TSPAN14: variants seen among roughly 807,000 people sequenced by gnomAD.
The protein encoded by TSPAN14 is tetraspanin 14, also known as tetraspanin-14.
In TSPAN14, 16 loss-of-function variants were observed where a neutral mutation model predicts 36.6. The observed-to-expected ratio is 0.44, with a 90% CI of 0.30 to 0.66. The LOEUF is 0.66. Ranked by LOEUF, TSPAN14 falls within the 30% of genes least tolerant of loss-of-function variation. The pLI is 0.12. For missense variants in TSPAN14, 231 were observed against 355.1 expected, an observed-to-expected ratio of 0.65 and a Z score of 2.81; for synonymous variants, 139 against 143.8, an observed-to-expected ratio of 0.97 and a Z score of 0.24.
intron 1 of TSPAN14, among the ~76,000 whole-genome samples, chr10:80,472,228 CTA>C (rs1407883950): frequency 1.3e-5 from 2 of 152,170 alleles, no homozygotes; most frequent in African/African-American, 2.4e-5. Context: ...ACCACAAACT[CTA>C]TGTTTCAGTT....
At chr10:80,513,035 A>G (rs894025286) in intron 6 of TSPAN14, among the ~76,000 whole-genome samples, 4 of 152,090 alleles carry the variant, frequency 2.6e-5, no homozygotes, top group Admixed American at 1.3e-4. Context: ...AGTAGCTGGG[A>G]CCACAGGCTT....
intron 3 of TSPAN14, among the ~76,000 whole-genome samples, chr10:80,505,601 A>C (rs752775699): frequency 2.0e-5 from 3 of 152,210 alleles, no homozygotes; most frequent in African/African-American, 7.2e-5. Flanking sequence ...CTTTCCTGCC[A>C]TGGTCTTAGG....
chr10:80,455,794 G>T (rs1024077122), intron 1 of TSPAN14, among the ~76,000 whole-genome samples: 1 of 152,078 alleles, frequency 6.6e-6, no homozygotes, highest in Non-Finnish European at 1.5e-5. Flanking sequence ...TGTGATCATA[G>T]CCTCAAATTG....
chr10:80,510,719 A>C (rs1840570775), intron 5 of TSPAN14, among the ~76,000 whole-genome samples: 1 of 151,992 alleles, frequency 6.6e-6, no homozygotes, highest in Non-Finnish European at 1.5e-5. Context: ...CTAAAAATAC[A>C]AAAAATTAGT....
At chr10:80,477,542 A>G (rs1846988034) in intron 1 of TSPAN14, among the ~76,000 whole-genome samples, 1 of 152,222 alleles carries the variant, frequency 6.6e-6, no homozygotes, top group Non-Finnish European at 1.5e-5. Flanking sequence ...GAGTACATGA[A>G]TGATTCAATT....
At chr10:80,488,786 A>G (rs1040448347) in intron 1 of TSPAN14, among the ~76,000 whole-genome samples, 1 of 152,118 alleles carries the variant, frequency 6.6e-6, no homozygotes, top group Non-Finnish European at 1.5e-5. Flanking sequence ...AAGAACGTGG[A>G]CTGTGAAGTC....
At chr10:80,512,957 G>A (rs919098504) in intron 6 of TSPAN14, among the ~76,000 whole-genome samples, 1 of 152,104 alleles carries the variant, frequency 6.6e-6, no homozygotes, top group African/African-American at 2.4e-5. Flanking sequence ...GTGCAGTGGT[G>A]CGATCTCAGC....
chr10:80,458,922 C>G (rs554471487), intron 1 of TSPAN14, among the ~76,000 whole-genome samples: 1 of 151,534 alleles, frequency 6.6e-6, no homozygotes, highest in South Asian at 2.1e-4. Flanking sequence ...GGCAAGCTTT[C>G]AAGTTGCACC....
At chr10:80,501,370 C>G (rs1044429794) in intron 2 of TSPAN14, among the ~76,000 whole-genome samples, 6 of 150,284 alleles carry the variant, frequency 4.0e-5, no homozygotes, top group African/African-American at 1.5e-4. Context: ...AAGCAATCCT[C>G]CTGCCTCAGC....
intron 3 of TSPAN14, among the ~76,000 whole-genome samples, chr10:80,505,468 A>C (rs779443432): frequency 1.2e-4 from 18 of 152,208 alleles, no homozygotes; most frequent in Non-Finnish European, 1.8e-4. Context: ...AAGGTGGAGC[A>C]GGCCTGGCCA....
intron 2 of TSPAN14, among the ~76,000 whole-genome samples, chr10:80,503,676 T>C (rs1848652174): frequency 6.6e-6 from 1 of 152,136 alleles, no homozygotes; most frequent in Admixed American, 6.5e-5. Context: ...CACAGATCAC[T>C]TTCAGGTTGG....
intron 1 of TSPAN14, among the ~76,000 whole-genome samples, chr10:80,469,745 C>G (rs1846435856): frequency 6.6e-6 from 1 of 152,158 alleles, no homozygotes; most frequent in Non-Finnish European, 1.5e-5. Flanking sequence ...TTCATGGCTT[C>G]TTTGGAAAGG....
chr10:80,475,816 A>C (rs1239318406), intron 1 of TSPAN14, among the ~76,000 whole-genome samples: 1 of 152,198 alleles, frequency 6.6e-6, no homozygotes, highest in East Asian at 1.9e-4. Flanking sequence ...TGGACTCCTG[A>C]CTTTGTGATC....
chr10:80,521,936 G>A (rs1040945518), exon 9 of TSPAN14: 2 of 148,112 alleles, frequency 1.4e-5, no homozygotes, highest in African/African-American at 5.0e-5. Flanking sequence ...AAAAAGGCCC[G>A]TTCATTCTCA....
Position 80,465,717 on chromosome 10 carries a change from C to T in TSPAN14, c.-18+11346C>T, listed in dbSNP as rs531839098. 1.4e-4 allele frequency among the ~76,000 whole-genome samples: 22 copies of T among 152,312 alleles called. No homozygotes were observed. The South Asian group carries it at 4.6e-3, about 32-fold the overall frequency. On this transcript the variant is annotated intron_variant, in intron 1 of 8. Transcript: ENST00000429989. ...GCCTCCGGGTCTTTGGCAGAAAAAG[C>T]CACTCTCAGGCACAAAGGATGCTCG...
chr10:80,476,227 G>C (rs1006172059), intron 1 of TSPAN14, among the ~76,000 whole-genome samples: 1 of 151,900 alleles, frequency 6.6e-6, no homozygotes, highest in Non-Finnish European at 1.5e-5. Context: ...TTAAAAATCA[G>C]TTGGGCTTGG....
chr10:80,473,105 A>G, intron 1 of TSPAN14, among the ~76,000 whole-genome samples: 1 of 152,200 alleles, frequency 6.6e-6, no homozygotes, highest in East Asian at 1.9e-4. Context: ...GTTTCTTTGA[A>G]CAAAGCCTCC....
At chr10:80,485,746 T>G (rs1847551486) in intron 1 of TSPAN14, 4 of 939,172 alleles carry the variant, frequency 4.3e-6, no homozygotes, top group Non-Finnish European at 5.1e-6. Flanking sequence ...GTGGCAGGGG[T>G]GGGAAAGCGG....
chr10:80,501,252 A>ATT (rs992438928), intron 2 of TSPAN14, among the ~76,000 whole-genome samples: 3 of 124,518 alleles, frequency 2.4e-5, no homozygotes, highest in African/African-American at 9.1e-5. Context: ...GAATACAGGC[A>ATT]TTTTTTTTTT....
Sources: gnomAD v4.1 joint callset for allele counts (sites outside exome capture counted in the v4.1 genomes callset) on GRCh38, gnomAD v4.1.1 for gene constraint, MANE v1.5 for transcripts, NCBI Gene and HGNC (gene_info 2026-07-23, HGNC 2026-07-21) for gene names.